GPC5: variants seen among roughly 807,000 people sequenced by gnomAD.
The protein encoded by GPC5 is glypican-5.
Under a neutral mutation model 53.9 loss-of-function variants are expected in GPC5, and 47 were observed. The ratio of observed to expected loss-of-function variants is 0.87; its 90% CI spans 0.69 to 1.11. The LOEUF is 1.11. Ranked by LOEUF, GPC5 falls within the 50% of genes most tolerant of loss-of-function variation. The pLI, the probability that GPC5 is intolerant of heterozygous loss-of-function variation, is 0.00. For missense variants in GPC5, 748 were observed against 713.1 expected (o/e 1.05, Z -0.56); for synonymous variants, 286 against 263.3 (o/e 1.09, Z -0.84).
At chr13:92,153,511 T>C (rs1282306540) in intron 7 of GPC5, among the ~76,000 whole-genome samples, 1 of 152,220 alleles carries the variant, frequency 6.6e-6, no homozygotes, top group African/African-American at 2.4e-5. Context: ...ATTTTGTTGA[T>C]GAATATTGGA....
chr13:91,644,802 T>A (rs1419939977), intron 2 of GPC5, among the ~76,000 whole-genome samples: 2 of 152,250 alleles, frequency 1.3e-5, no homozygotes, highest in African/African-American at 4.8e-5. Flanking sequence ...CCATTTATTT[T>A]GTGACTGTGT....
chr13:92,411,449 G>T (rs1169384725), intron 7 of GPC5, among the ~76,000 whole-genome samples: 1 of 152,116 alleles, frequency 6.6e-6, no homozygotes, highest in Non-Finnish European at 1.5e-5. Context: ...CCTGAGAATT[G>T]TTCCATGTAA....
At chr13:92,418,584 T>A (rs1487092404) in intron 7 of GPC5, among the ~76,000 whole-genome samples, 2 of 152,168 alleles carry the variant, frequency 1.3e-5, no homozygotes, top group Non-Finnish European at 2.9e-5. Flanking sequence ...TTAGGTAAAA[T>A]TACAATATAT....
chr13:92,450,334 T>G (rs566814259), intron 7 of GPC5, among the ~76,000 whole-genome samples: 1 of 152,204 alleles, frequency 6.6e-6, no homozygotes, highest in Non-Finnish European at 1.5e-5. Flanking sequence ...ATGAGATATC[T>G]TAGGGATGGG....
intron 7 of GPC5, among the ~76,000 whole-genome samples, chr13:92,692,071 T>G (rs1887417526): frequency 6.6e-6 from 1 of 152,150 alleles, no homozygotes; most frequent in Non-Finnish European, 1.5e-5. Context: ...TGTTCCCACC[T>G]TTATATCCAT....
At chr13:92,272,925 G>A (rs1244617445) in intron 7 of GPC5, among the ~76,000 whole-genome samples, 1 of 152,104 alleles carries the variant, frequency 6.6e-6, no homozygotes, top group African/African-American at 2.4e-5. Context: ...AAGCCATATA[G>A]TGGCAAAAAT....
At chr13:91,648,752 C>T (rs1207119617) in intron 2 of GPC5, among the ~76,000 whole-genome samples, 1 of 152,072 alleles carries the variant, frequency 6.6e-6, no homozygotes, top group East Asian at 1.9e-4. Flanking sequence ...CATTGATTTT[C>T]TCATAAATTT....
chr13:92,340,689 T>G (rs2043358842), intron 7 of GPC5: 1 of 152,068 alleles, frequency 6.6e-6, no homozygotes, highest in African/African-American at 2.4e-5. Context: ...AACTTGAAAC[T>G]GTTAAGATAT....
chr13:91,795,000 A>T (rs2038024424), intron 5 of GPC5, among the ~76,000 whole-genome samples: 1 of 152,162 alleles, frequency 6.6e-6, no homozygotes, highest in Non-Finnish European at 1.5e-5. Flanking sequence ...GGAGGGAGGA[A>T]AGTTAATTTT....
At chr13:92,166,629 T>G (rs4773671) in intron 7 of GPC5, among the ~76,000 whole-genome samples, 44,075 of 151,874 alleles carry the variant, frequency 0.29, 7,350 homozygotes, top group South Asian at 0.59. Context: ...AAGACTGTAT[T>G]GCCATTGACT....
intron 7 of GPC5, among the ~76,000 whole-genome samples, chr13:92,163,704 C>T (rs1485126380): frequency 1.3e-5 from 2 of 152,014 alleles, no homozygotes; most frequent in African/African-American, 2.4e-5. Context: ...CAGTGAAGAA[C>T]AATGAGAATA....
chr13:92,331,918 A>C (rs1456633892), intron 7 of GPC5, among the ~76,000 whole-genome samples: 1 of 152,146 alleles, frequency 6.6e-6, no homozygotes, highest in African/African-American at 2.4e-5. Flanking sequence ...AAAAAAAATA[A>C]GAAAAAATGG....
chr13:91,650,750 G>GTTTTTGTTTTTTTTTTTTTTTTGTT, intron 2 of GPC5, among the ~76,000 whole-genome samples: 1 of 99,602 alleles, frequency 1.0e-5, no homozygotes, highest in South Asian at 3.9e-4. Flanking sequence ...ATTCCCATAA[G>GTTTTTGTTTTTTTTTTTTTTTTGTT]TTTTTTTTTT....
chr13:92,264,870 CTCTCTCTCTGTGTGTGTGTGTG>C (rs1369649119), intron 7 of GPC5, among the ~76,000 whole-genome samples: 1 of 118,290 alleles, frequency 8.5e-6, no homozygotes, highest in Non-Finnish European at 1.7e-5. Context: ...CTCTCTCTCT[CTCTCTCTCTGTGTGTGTGTGTG>C]TGTGTGTGTG....
chr13:91,626,660 T>A lies in GPC5; in HGVS notation c.326-66527T>A, dbSNP rs539983622. Among the ~76,000 whole-genome samples, 24 of 152,020 alleles carry A rather than the reference T, an allele frequency of 1.6e-4. 1 individual carries two copies. In the South Asian group the frequency reaches 4.6e-3, roughly 29 times the overall value. On this transcript the variant is annotated intron_variant, in intron 2 of 7. Transcript: ENST00000377067. ...TGAGGAGCTTATTTTATTTTATTTT[T>A]TTATTTGTTTATATATATATTTATT...
intron 7 of GPC5, among the ~76,000 whole-genome samples, chr13:92,543,548 G>T (rs2139005108): frequency 6.6e-6 from 1 of 152,094 alleles, no homozygotes; most frequent in African/African-American, 2.4e-5. Context: ...ACTACTCTCA[G>T]TGACAATGGC....
rs111762292 is a variant in GPC5, at chr13:91,528,271, C to T, written c.325+79349C>T. ...TGTACGCTTTCAGAAAAAGCCAGGT[C>T]ACCTCTTAAATGCTTTGCTGCTTAG... On this transcript the variant is annotated intron_variant, in intron 2 of 7. Coordinates refer to ENST00000377067, the MANE Select transcript of GPC5 (RefSeq NM_004466.6). Among the ~76,000 whole-genome samples the T allele has an allele frequency of 4.4e-3, 673 of 152,300 alleles. 5 individuals carry two copies. The highest frequency in any genetic ancestry group is 7.8e-3 in the Non-Finnish European group (533 of 68,028).
chr13:92,015,085 A>T (rs769090908), intron 6 of GPC5, among the ~76,000 whole-genome samples: 4 of 152,120 alleles, frequency 2.6e-5, no homozygotes, highest in Non-Finnish European at 4.4e-5. Flanking sequence ...CTTGGTAAAA[A>T]CTGTGCCCCA....
rs1266422656 is a variant in GPC5 at position 92,166,946 on chromosome 13, TCTCTCTCTCTCACACACACACA to T, written c.1561+21959_1561+21980del. ...GTCTCTCTCTCTCTCTCTCTCTCTC[TCTCTCTCTCTCACACACACACA>T]CACACACACACACACACACACACAC... On this transcript the variant is annotated intron_variant, in intron 7 of 7. Coordinates refer to ENST00000377067, the MANE Select transcript of GPC5 (RefSeq NM_004466.6). 1.5e-3 allele frequency among the ~76,000 whole-genome samples: 101 copies of T among 69,136 alleles called. 1 individual carries two copies. In the Middle Eastern group the frequency reaches 0.048, roughly 33 times the overall value. 45.4% of individuals were successfully genotyped at this position (69,136 alleles called of 152,430 possible).
Sources: gnomAD v4.1 joint callset for allele counts (sites outside exome capture counted in the v4.1 genomes callset) on GRCh38, gnomAD v4.1.1 for gene constraint, MANE v1.5 for transcripts, NCBI Gene and HGNC (gene_info 2026-07-23, HGNC 2026-07-21) for gene names.